The following CCDC178 variants were observed in gnomAD, a reference collection of about 807,000 sequenced individuals.
CCDC178 encodes the protein coiled-coil domain-containing protein 178.
CCDC178 carries 126 observed loss-of-function variants against 117.4 expected under a neutral mutation model. That is an observed-to-expected ratio of 1.07 (90% confidence interval 0.93 to 1.24). CCDC178 has a LOEUF of 1.24. CCDC178 is among the 50% of genes most tolerant of loss of function. The pLI is 0.00. For missense variants in CCDC178, 1,030 were observed against 986.9 expected, an observed-to-expected ratio of 1.04 and a Z score of -0.59; for synonymous variants, 283 against 313.4, an observed-to-expected ratio of 0.90 and a Z score of 1.02.
intron 20 of CCDC178, among the ~76,000 whole-genome samples, chr18:33,142,212 G>C (rs988565706): frequency 6.6e-6 from 1 of 152,124 alleles, no homozygotes; most frequent in Non-Finnish European, 1.5e-5. Flanking sequence ...CACAACTAGA[G>C]GGATGTTACT....
chr18:33,216,039 A>G (rs1777589452), intron 18 of CCDC178, among the ~76,000 whole-genome samples: 1 of 152,008 alleles, frequency 6.6e-6, no homozygotes, highest in Non-Finnish European at 1.5e-5. Flanking sequence ...TCAAGGATGC[A>G]ATGAGCCATG....
chr18:33,090,203 T>C (rs2057442316), intron 21 of CCDC178, among the ~76,000 whole-genome samples: 1 of 152,174 alleles, frequency 6.6e-6, no homozygotes, highest in South Asian at 2.1e-4. Flanking sequence ...ACTCTTTCAT[T>C]AGGTTTTCTT....
chr18:32,941,565 T>C (rs2054240382), intron 22 of CCDC178, among the ~76,000 whole-genome samples: 1 of 152,154 alleles, frequency 6.6e-6, no homozygotes, highest in African/African-American at 2.4e-5. Flanking sequence ...GAGGTCACTT[T>C]TTAAATGAAG....
intron 20 of CCDC178, 140 bp downstream of exon 20, chr18:33,211,755 TC>T (rs1448623014): frequency 1.6e-6 from 1 of 621,380 alleles, no homozygotes; most frequent in Non-Finnish European, 2.7e-6. Context: ...AATGAAAACT[TC>T]CAGGTTTATT....
chr18:33,176,089 T>C (rs2058661954), intron 20 of CCDC178, among the ~76,000 whole-genome samples: 1 of 152,182 alleles, frequency 6.6e-6, no homozygotes, highest in Non-Finnish European at 1.5e-5. Flanking sequence ...CAGCTTCCTA[T>C]GTATTACTTC....
chr18:33,024,117 A>C (rs1274554523), intron 21 of CCDC178, among the ~76,000 whole-genome samples: 1 of 152,230 alleles, frequency 6.6e-6, no homozygotes, highest in African/African-American at 2.4e-5. Flanking sequence ...CTTGCCAAAC[A>C]AGACTTAATT....
rs544663702 is a variant in CCDC178, at chr18:33,183,922, C to T, written c.2238+27974G>A. ...AATTATCTGGGGAGATTCACATGTGCTATTTAATATTTTATTAGAGTGATT... is the reference window on the plus strand; with the variant it reads ...AATTATCTGGGGAGATTCACATGTGTTATTTAATATTTTATTAGAGTGATT... On this transcript the variant is annotated intron_variant, in intron 20 of 22. Coordinates refer to ENST00000383096, the MANE Select transcript of CCDC178 (RefSeq NM_001105528.4). Among the ~76,000 whole-genome samples the T allele has an allele frequency of 5.2e-4, 79 of 152,132 alleles. No individual in the cohort carries two copies. In the East Asian group the frequency reaches 5.2e-3, roughly 10 times the overall value.
intron 21 of CCDC178, among the ~76,000 whole-genome samples, chr18:33,091,804 AT>A (rs1426247632): frequency 6.6e-6 from 1 of 152,170 alleles, no homozygotes; most frequent in Non-Finnish European, 1.5e-5. Context: ...AAAGTAACTT[AT>A]TATGAATGGC....
intron 5 of CCDC178, among the ~76,000 whole-genome samples, chr18:33,384,380 T>G (rs2063471469): frequency 1.3e-5 from 2 of 151,928 alleles, no homozygotes. Context: ...CAAGATATTC[T>G]GAGAAGATTT....
At chr18:33,202,568 C>T (rs915299067) in intron 20 of CCDC178, among the ~76,000 whole-genome samples, 1 of 152,120 alleles carries the variant, frequency 6.6e-6, no homozygotes, top group African/African-American at 2.4e-5. Flanking sequence ...ACATGACACA[C>T]GATTTGGCAT....
intron 20 of CCDC178, among the ~76,000 whole-genome samples, chr18:33,206,472 C>T (rs1403329805): frequency 6.6e-6 from 1 of 151,410 alleles, no homozygotes; most frequent in Non-Finnish European, 1.5e-5. Context: ...TTTATCAAGG[C>T]TAATCAAGTA....
intron 7 of CCDC178, among the ~76,000 whole-genome samples, chr18:33,351,170 GTGTGTGTGTGTGTA>G (rs2062973825): frequency 6.6e-6 from 1 of 151,340 alleles, no homozygotes; most frequent in African/African-American, 2.4e-5. Flanking sequence ...GTGTGTGTGT[GTGTGTGTGTGTGTA>G]TAGTTTTTGT....
intron 18 of CCDC178, 73 bp downstream of exon 18, chr18:33,223,033 A>G: frequency 2.7e-6 from 3 of 1,116,190 alleles, no homozygotes; most frequent in Non-Finnish European, 3.8e-6. Flanking sequence ...TTAAAATTAA[A>G]CTTGCTTGAA....
At chr18:33,275,695 A>G (rs1599089054) in intron 12 of CCDC178, among the ~76,000 whole-genome samples, 13 of 100,192 alleles carry the variant, frequency 1.3e-4, no homozygotes, top group African/African-American at 2.0e-4. Context: ...AGGGAGGGGA[A>G]GCGGGGAGAG....
At chr18:33,422,830 G>C (rs2144939005) in intron 2 of CCDC178, among the ~76,000 whole-genome samples, 1 of 152,246 alleles carries the variant, frequency 6.6e-6, no homozygotes, top group Middle Eastern at 3.4e-3. Context: ...TTGCCTGGAA[G>C]TTCACTTTGC....
intron 4 of CCDC178, among the ~76,000 whole-genome samples, chr18:33,394,943 G>A (rs1252792373): frequency 4.9e-5 from 3 of 61,498 alleles, no homozygotes; most frequent in Non-Finnish European, 6.1e-5. Flanking sequence ...ATATGTATGT[G>A]TATATATATA....
intron 21 of CCDC178, among the ~76,000 whole-genome samples, chr18:33,085,120 G>A (rs1039695852): frequency 6.6e-6 from 1 of 152,028 alleles, no homozygotes; most frequent in Admixed American, 6.6e-5. Context: ...ATAGAGTAGA[G>A]GATCATGTTA....
chr18:33,017,060 T>C (rs1208491913), intron 21 of CCDC178, among the ~76,000 whole-genome samples: 1 of 151,900 alleles, frequency 6.6e-6, no homozygotes, highest in Admixed American at 6.5e-5. Context: ...ACAATAAATA[T>C]GTGAATACAA....
chr18:33,438,520 CACACACACACACACACACGGCAA>C (rs1352015274), intron 2 of CCDC178, among the ~76,000 whole-genome samples: 191 of 144,834 alleles, frequency 1.3e-3, no homozygotes, highest in African/African-American at 4.3e-3. Flanking sequence ...ATACGGCATA[CACACACACACACACACACGGCAA>C]ACACACACAC....
Sources: gnomAD v4.1 joint callset for allele counts (sites outside exome capture counted in the v4.1 genomes callset) on GRCh38, gnomAD v4.1.1 for gene constraint, MANE v1.5 for transcripts, NCBI Gene and HGNC (gene_info 2026-07-23, HGNC 2026-07-21) for gene names.